PCDH15: variants seen among roughly 807,000 people sequenced by gnomAD.
The protein encoded by PCDH15 is protocadherin related 15.
Under a neutral mutation model 178.5 loss-of-function variants are expected in PCDH15, and 129 were observed. The observed-to-expected ratio is 0.72, with a 90% CI of 0.63 to 0.84. PCDH15 has a LOEUF of 0.84. PCDH15 is among the 40% of genes least tolerant of loss of function. The pLI is 0.00. For missense variants in PCDH15, 2,230 were observed against 2,099.9 expected, an observed-to-expected ratio of 1.06 and a Z score of -1.21; for synonymous variants, 800 against 732.0, an observed-to-expected ratio of 1.09 and a Z score of -1.50.
chr10:54,528,897 G>A (rs1259450476), intron 2 of PCDH15, among the ~76,000 whole-genome samples: 1 of 151,898 alleles, frequency 6.6e-6, no homozygotes, highest in African/African-American at 2.4e-5. Context: ...AACTTTGCCT[G>A]CAGGATGTCA....
At chr10:53,890,382 T>G (rs11003915) in intron 26 of PCDH15, among the ~76,000 whole-genome samples, 4,179 of 152,210 alleles carry the variant, frequency 0.027, 124 homozygotes, top group East Asian at 0.13. Context: ...GCTGAGATGG[T>G]GCCACTGCAT....
chr10:53,971,979 G>A (rs2089736169), intron 21 of PCDH15, among the ~76,000 whole-genome samples: 1 of 151,646 alleles, frequency 6.6e-6, no homozygotes, highest in African/African-American at 2.4e-5. Context: ...CCACAGCCAA[G>A]ACAATCCTAA....
intron 1 of PCDH15, among the ~76,000 whole-genome samples, chr10:54,679,682 T>C (rs1031995415): frequency 1.3e-5 from 2 of 152,198 alleles, no homozygotes; most frequent in African/African-American, 4.8e-5. Flanking sequence ...GAAATAGTTA[T>C]TTGTTTATAG....
At chr10:55,295,205 C>G (rs1843102090) in intron 1 of PCDH15, among the ~76,000 whole-genome samples, 1 of 152,310 alleles carries the variant, frequency 6.6e-6, no homozygotes, top group East Asian at 1.9e-4. Context: ...ATTATACTTT[C>G]TCCCTTTTTT....
chr10:54,280,206 C>T (rs1169596636), intron 8 of PCDH15, among the ~76,000 whole-genome samples: 2 of 151,456 alleles, frequency 1.3e-5, no homozygotes, highest in East Asian at 1.9e-4. Context: ...TAAGTAACTT[C>T]GCATTTTAGA....
intron 21 of PCDH15, among the ~76,000 whole-genome samples, chr10:53,986,951 G>C (rs2091145075): frequency 6.6e-6 from 1 of 152,094 alleles, no homozygotes; most frequent in South Asian, 2.1e-4. Context: ...CTAGTCAGTG[G>C]GAGTTTTTGA....
chr10:53,863,049 AT>A (rs2079201272), intron 27 of PCDH15, among the ~76,000 whole-genome samples: 1 of 152,200 alleles, frequency 6.6e-6, no homozygotes, highest in African/African-American at 2.4e-5. Context: ...AAGAAGAGAA[AT>A]CCATTAGGAA....
rs1277593479 is a variant in PCDH15 at position 54,924,158 on chromosome 10, T to TG, written c.-79-26659dup. On this transcript the variant is annotated intron_variant, in intron 2 of 5. Coordinates refer to the PCDH15 transcript ENST00000458638. ...TGTTCTCACATGGTGAAGCAGGAAG[T>TG]GGGGGGGAAGTACTACACACTTTCA... is the stretch of plus-strand genomic sequence containing the variant. 1.5e-4 allele frequency among the ~76,000 whole-genome samples: 21 copies of TG among 136,476 alleles called. 2 individuals carry two copies. In the South Asian group the frequency reaches 2.1e-3, roughly 14 times the overall value. 89.5% of individuals were successfully genotyped at this position (136,476 alleles called of 152,430 possible). A position where few individuals can be genotyped will look rare whatever the true frequency, so the allele number is the denominator to read the frequency against.
chr10:55,508,977 A>T lies in PCDH15; in HGVS notation c.-156+118648T>A, dbSNP rs531403266. On this transcript the variant is annotated intron_variant, in intron 2 of 5. Transcript: ENST00000613346. The stretch of plus-strand genomic sequence containing the variant: ...AGCAAAACAAAACAAAACAAAAAAA[A>T]ATATTTTTATTTCATAACACAAAAG... Among the ~76,000 whole-genome samples the T allele has an allele frequency of 4.6e-5, 7 of 151,926 alleles. No individual in the cohort carries two copies. The Admixed American group carries it at 4.6e-4, about 10-fold the overall frequency.
intron 2 of PCDH15, among the ~76,000 whole-genome samples, chr10:55,405,518 A>C (rs1194171457): frequency 6.6e-6 from 1 of 151,408 alleles, no homozygotes; most frequent in African/African-American, 2.4e-5. Context: ...AATTTTTTGT[A>C]GTGTTCTAAG....
chr10:54,918,655 G>GCAT (rs1289872751), intron 2 of PCDH15, among the ~76,000 whole-genome samples: 1 of 151,994 alleles, frequency 6.6e-6, no homozygotes, highest in Admixed American at 6.6e-5. Flanking sequence ...GCTTCTAATT[G>GCAT]CATGTAGCTA....
chr10:54,192,154 A>AAAG (rs2049094871), intron 11 of PCDH15, among the ~76,000 whole-genome samples: 2 of 132,566 alleles, frequency 1.5e-5, no homozygotes, highest in African/African-American at 6.0e-5. Context: ...GAAAGAAAGA[A>AAAG]AAAGAAAGAA....
At chr10:55,359,747 T>TATATATATATATACACAC (rs1491280747) in intron 2 of PCDH15, among the ~76,000 whole-genome samples, 25 of 81,650 alleles carry the variant, frequency 3.1e-4, no homozygotes, top group African/African-American at 7.5e-4. Context: ...TATATATATA[T>TATATATATATATACACAC]ACACACACAC....
At chr10:55,499,069 A>T (rs1840596637) in intron 2 of PCDH15, among the ~76,000 whole-genome samples, 1 of 151,832 alleles carries the variant, frequency 6.6e-6, no homozygotes, top group African/African-American at 2.4e-5. Flanking sequence ...GACTTTTCCA[A>T]ACAATTGGTG....
At chr10:55,618,741 G>A (rs1240778865) in intron 2 of PCDH15, among the ~76,000 whole-genome samples, 14 of 151,992 alleles carry the variant, frequency 9.2e-5, no homozygotes, top group Non-Finnish European at 1.6e-4. Context: ...CTAAACAGTA[G>A]AGTCTGGAAG....
chr10:55,413,767 A>AT (rs1480248384), intron 2 of PCDH15, among the ~76,000 whole-genome samples: 1 of 151,688 alleles, frequency 6.6e-6, no homozygotes, highest in African/African-American at 2.4e-5. Context: ...TTAATCTCAG[A>AT]AATCTCTTCA....
intron 2 of PCDH15, among the ~76,000 whole-genome samples, chr10:54,619,883 G>A (rs939119467): frequency 6.6e-6 from 1 of 151,930 alleles, no homozygotes; most frequent in Non-Finnish European, 1.5e-5. Flanking sequence ...ATCCAAGACA[G>A]GGGTTGGCAA....
intron 3 of PCDH15, among the ~76,000 whole-genome samples, chr10:54,391,913 A>G (rs1589177994): frequency 6.6e-6 from 1 of 152,306 alleles, no homozygotes; most frequent in Admixed American, 6.5e-5. Context: ...ACAATGGGAT[A>G]TAGATTCGGG....
At chr10:55,614,331 T>C (rs1386993055) in intron 2 of PCDH15, among the ~76,000 whole-genome samples, 1 of 152,174 alleles carries the variant, frequency 6.6e-6, no homozygotes, top group East Asian at 1.9e-4. Flanking sequence ...TTTTTAGAGA[T>C]TGTAATGAAT....
Sources: allele counts gnomAD v4.1 joint callset (sites outside exome capture counted in the v4.1 genomes callset), GRCh38; gene constraint gnomAD v4.1.1; transcripts MANE v1.5; gene names NCBI Gene and HGNC (gene_info 2026-07-23, HGNC 2026-07-21).